Variants in FAM135B observed in about 807,000 individuals in gnomAD.
FAM135B encodes family with sequence similarity 135 member B.
Under a neutral mutation model 127.7 loss-of-function variants are expected in FAM135B, and 43 were observed. The observed-to-expected ratio is 0.34, with a 90% CI of 0.26 to 0.43. FAM135B has a LOEUF of 0.43. FAM135B is among the 20% of genes least tolerant of loss of function. The pLI, the probability that FAM135B is intolerant of heterozygous loss-of-function variation, is 1.00. For missense variants in FAM135B, 1,558 were observed against 1,725.6 expected (o/e 0.90, Z 1.72); for synonymous variants, 670 against 665.1 (o/e 1.01, Z -0.11).
intron 3 of FAM135B, among the ~76,000 whole-genome samples, chr8:138,310,166 C>A (rs2130888890): frequency 6.6e-6 from 1 of 152,300 alleles, no homozygotes; most frequent in East Asian, 1.9e-4. Flanking sequence ...CCACTGCACT[C>A]AGCCTCTCCT....
At chr8:138,344,768 G>T (rs1829297571) in intron 2 of FAM135B, among the ~76,000 whole-genome samples, 1 of 151,844 alleles carries the variant, frequency 6.6e-6, no homozygotes, top group South Asian at 2.1e-4. Flanking sequence ...GTAGAGACGG[G>T]GTTTCACCGT....
chr8:138,375,377 C>T (rs1006764868), intron 1 of FAM135B, among the ~76,000 whole-genome samples: 1 of 152,036 alleles, frequency 6.6e-6, no homozygotes, highest in Non-Finnish European at 1.5e-5. Context: ...TAGTCTCTCT[C>T]TGTGTGTTTG....
At chr8:138,225,786 C>T (rs974486027) in intron 7 of FAM135B, among the ~76,000 whole-genome samples, 2 of 152,160 alleles carry the variant, frequency 1.3e-5, no homozygotes, top group African/African-American at 4.8e-5. Flanking sequence ...ACCCAGGTGT[C>T]AGGCAGTCAT....
intron 2 of FAM135B, among the ~76,000 whole-genome samples, chr8:138,342,383 T>C (rs1485461886): frequency 6.6e-6 from 1 of 152,214 alleles, no homozygotes; most frequent in African/African-American, 2.4e-5. Flanking sequence ...GGAAGTTTCA[T>C]TGCTGCTTTG....
chr8:138,203,062 A>C (rs570837573), intron 7 of FAM135B, among the ~76,000 whole-genome samples: 1 of 152,216 alleles, frequency 6.6e-6, no homozygotes, highest in Non-Finnish European at 1.5e-5. Context: ...TTTACAGTTT[A>C]GTACTTGATA....
chr8:138,298,973 T>G (rs1305672898), intron 3 of FAM135B, among the ~76,000 whole-genome samples: 1 of 151,508 alleles, frequency 6.6e-6, no homozygotes, highest in African/African-American at 2.4e-5. Context: ...GGCACAAGAA[T>G]CACTTGAACC....
chr8:138,321,122 G>GCCTCTCTTT (rs1393977720), intron 2 of FAM135B, among the ~76,000 whole-genome samples: 2 of 152,152 alleles, frequency 1.3e-5, no homozygotes, highest in African/African-American at 4.8e-5. Flanking sequence ...CCCTCCCTGA[G>GCCTCTCTTT]CCTCTCTTTC....
intron 12 of FAM135B, among the ~76,000 whole-genome samples, chr8:138,166,095 C>T (rs940586750): frequency 1.3e-5 from 2 of 152,306 alleles, no homozygotes; most frequent in East Asian, 1.9e-4. Context: ...CGTTGAACGT[C>T]GGCTTTAATA....
chr8:138,312,794 T>C (rs1205817718), intron 2 of FAM135B, among the ~76,000 whole-genome samples: 2 of 152,140 alleles, frequency 1.3e-5, no homozygotes, highest in African/African-American at 2.4e-5. Context: ...CTTCCATCCC[T>C]AACAGATGGC....
At chr8:138,391,249 AC>A (rs1832554139) in intron 1 of FAM135B, among the ~76,000 whole-genome samples, 2 of 152,004 alleles carry the variant, frequency 1.3e-5, no homozygotes, top group African/African-American at 4.8e-5. Flanking sequence ...CTGCTTGCTC[AC>A]TTACACTGTC....
chr8:138,237,293 T>G (rs1312465030), intron 7 of FAM135B, among the ~76,000 whole-genome samples: 1 of 151,938 alleles, frequency 6.6e-6, no homozygotes, highest in African/African-American at 2.4e-5. Flanking sequence ...CCTGAGTAGC[T>G]GGGATTACAG....
At chr8:138,264,637 C>A (rs1822780348) in intron 4 of FAM135B, among the ~76,000 whole-genome samples, 1 of 152,072 alleles carries the variant, frequency 6.6e-6, no homozygotes. Context: ...CTATTTTTAC[C>A]TCCAGCACAT....
chr8:138,186,643 A>G (rs1815610421), intron 9 of FAM135B, among the ~76,000 whole-genome samples: 1 of 152,180 alleles, frequency 6.6e-6, no homozygotes. Flanking sequence ...ATCCAGCCAC[A>G]TCCGTGCAGC....
chr8:138,152,748 T>G lies in FAM135B; in HGVS notation c.1727A>C (p.His576Pro), dbSNP rs1225191037. The G allele has an allele frequency of 3.7e-6, 6 of 1,614,088 alleles. No homozygotes were observed. In the Admixed American group the frequency reaches 6.7e-5, roughly 18 times the overall value. Residue 576 changes from histidine to proline, a missense_variant, in exon 13 of 20, where the codon CAT becomes CCT. Physicochemically the swap from His to Pro is moderately conservative, Grantham distance 77. Transcript: ENST00000395297. ...AEPLVAFNAQ[H>P]ESRSSRDKYG... ...CTTATCTCTAGAGCTCCTACTCTCA[T>G]GCTGAGCATTGAAGGCCACCAGGGG...
chr8:138,411,655 A>G (rs7387626), intron 1 of FAM135B, among the ~76,000 whole-genome samples: 72,470 of 151,656 alleles, frequency 0.48, 18,227 homozygotes, highest in African/African-American at 0.62. Context: ...TTAAACTAAA[A>G]AGCTTCTGCA....
At position 138,243,546 on chromosome 8, in the gene FAM135B, T is replaced by C. The variant is rs1293848898; in HGVS notation, c.543-478A>G. On this transcript the variant is annotated intron_variant, in intron 6 of 19. Coordinates refer to ENST00000395297, the MANE Select transcript of FAM135B (RefSeq NM_015912.4). This position sits in a 1 kb window ranked among gnomAD's most constrained non-coding sequence, Gnocchi z 7.5. The stretch of plus-strand genomic sequence containing the variant: ...TGATCCGCATGAGAGTCTAATACGA[T>C]GTCAAAGACTGTCATAAGCCAGAAA... 1.3e-5 allele frequency among the ~76,000 whole-genome samples: 2 copies of C among 152,202 alleles called. No homozygotes were observed. Among genetic ancestry groups the C allele is most frequent in the African/African-American group, 4.8e-5 (2 of 41,462 alleles).
chr8:138,427,060 T>C (rs1432909734), intron 1 of FAM135B, among the ~76,000 whole-genome samples: 1 of 151,916 alleles, frequency 6.6e-6, no homozygotes, highest in Non-Finnish European at 1.5e-5. Flanking sequence ...ATATATACTG[T>C]CTGATCCTGT....
chr8:138,308,375 C>T (rs901433069), intron 3 of FAM135B, among the ~76,000 whole-genome samples: 1 of 152,176 alleles, frequency 6.6e-6, no homozygotes, highest in Admixed American at 6.5e-5. Context: ...AAGAATAAGC[C>T]ATTGTTAAAA....
intron 7 of FAM135B, among the ~76,000 whole-genome samples, chr8:138,236,167 CAT>C (rs1820258808): frequency 1.3e-5 from 2 of 152,176 alleles, no homozygotes; most frequent in South Asian, 4.2e-4. Context: ...GCTTCGTGGC[CAT>C]ATGTCACGTG....
Sources: gnomAD v4.1 joint callset for allele counts (sites outside exome capture counted in the v4.1 genomes callset) on GRCh38, gnomAD v4.1.1 for gene constraint, Gnocchi (gnomAD v3.1) non-coding constraint, MANE v1.5 for transcripts, NCBI Gene and HGNC (gene_info 2026-07-23, HGNC 2026-07-21) for gene names.